Variants in HADHB observed in about 807,000 individuals in gnomAD.
The protein encoded by HADHB is hydroxyacyl-CoA dehydrogenase trifunctional multienzyme complex subunit beta.
Under a neutral mutation model 61.9 loss-of-function variants are expected in HADHB, and 50 were observed. That is an observed-to-expected ratio of 0.81 (90% confidence interval 0.64 to 1.02). The LOEUF (loss-of-function observed/expected upper bound fraction) is 1.02. HADHB is among the 50% of genes least tolerant of loss of function. The probability of loss-of-function intolerance (pLI) is 0.00; values close to 1 mark genes in which losing one functional copy is unlikely to be tolerated. For synonymous variants in HADHB, 191 were observed against 201.6 expected, an observed-to-expected ratio of 0.95 and a Z score of 0.45; for missense variants, 504 against 586.5, an observed-to-expected ratio of 0.86 and a Z score of 1.45.
intron 3 of HADHB, among the ~76,000 whole-genome samples, chr2:26,256,699 G>A (rs1189533165): frequency 1.3e-5 from 2 of 152,134 alleles, no homozygotes; most frequent in Non-Finnish European, 2.9e-5. Flanking sequence ...ATCTAGTTCA[G>A]CTCTAATATT....
Position 26,278,629 on chromosome 2 carries a change from C to T in HADHB, c.458C>T (p.Ala153Val). ...TGCCCTGTAGGTGTTGGCTTGATTG[C>T]TTCTGGCCAGTGTGATGTGATCGTG... ...QAMTTGVGLI[A>V]SGQCDVIVAG... is the part of the protein sequence containing the mutation. The change falls in exon 8 of 16, where the codon GCT becomes GTT. Residue 153 changes from alanine (A) to valine (V), a missense_variant. Physicochemically the swap from Ala to Val is moderately conservative, Grantham distance 64 (BLOSUM62 0). Coordinates refer to ENST00000317799, the MANE Select transcript of HADHB (RefSeq NM_000183.3). 6.2e-7 allele frequency: 1 copy of T among 1,613,962 alleles called. No homozygotes were observed. Among genetic ancestry groups the T allele is most frequent in the Non-Finnish European group, 8.5e-7 (1 of 1,179,850 alleles).
chr2:26,271,781 C>CA (rs930849587), intron 5 of HADHB, among the ~76,000 whole-genome samples: 9 of 151,082 alleles, frequency 6.0e-5, no homozygotes, highest in African/African-American at 1.9e-4. Context: ...TCCATCTCTA[C>CA]AAAAAAAAAT....
At chr2:26,259,463 A>G (rs1349123565) in intron 3 of HADHB, among the ~76,000 whole-genome samples, 1 of 152,118 alleles carries the variant, frequency 6.6e-6, no homozygotes, top group Non-Finnish European at 1.5e-5. Context: ...CTCCTGGTCA[A>G]CATAAATAAG....
chr2:26,273,252 CT>C lies in HADHB; in HGVS notation c.255-390del, dbSNP rs905933991. ...CTAAAATTTAACATACCCAGGACTT[CT>C]TTTTTTTTAATTTTTTTTAATAGTC... is the stretch of plus-strand genomic sequence containing the variant. On this transcript the variant is annotated intron_variant, in intron 5 of 15. Coordinates refer to ENST00000317799, the MANE Select transcript of HADHB (RefSeq NM_000183.3). Among the ~76,000 whole-genome samples the C allele has an allele frequency of 4.6e-5, 7 of 150,684 alleles. 1 individual carries two copies. The highest frequency in any genetic ancestry group is 1.7e-4 in the African/African-American group (7 of 40,450).
Position 26,271,023 on chromosome 2 carries a change from C to T in HADHB, c.254+1026C>T, listed in dbSNP as rs561728891. 4.2e-4 allele frequency among the ~76,000 whole-genome samples: 64 copies of T among 151,002 alleles called. 1 individual carries two copies. Among genetic ancestry groups the T allele is most frequent in the African/African-American group, 1.5e-3 (61 of 41,312 alleles). ...CCTCCCGAGTACCTGGGACTACAGGCGCCTGCCACCATGCCCGGCTAATTT... is the reference window on the plus strand; with the variant it reads ...CCTCCCGAGTACCTGGGACTACAGGTGCCTGCCACCATGCCCGGCTAATTT... On this transcript the variant is annotated intron_variant, in intron 5 of 15. Transcript: ENST00000317799.
At chr2:26,255,428 G>A (rs1290451757) in intron 3 of HADHB, among the ~76,000 whole-genome samples, 3 of 151,754 alleles carry the variant, frequency 2.0e-5, no homozygotes, top group Non-Finnish European at 4.4e-5. Context: ...GAACCCAGGA[G>A]GCGGAGCTTG....
chr2:26,263,420 T>C lies in HADHB; in HGVS notation c.150T>C (p.Asn50=), dbSNP rs1398500041. 4 of 1,613,302 alleles carry C rather than the reference T, an allele frequency of 2.5e-6. No individual in the cohort carries two copies. The African/African-American group carries it at 5.3e-5, about 22-fold the overall frequency. Reference sequence around the variant, plus strand: ...CGAAGAAGACGTTAGCCAAACCCAATATAAGGAATGTTGTGGTGGTGGATG... The same window carrying C: ...CGAAGAAGACGTTAGCCAAACCCAACATAAGGAATGTTGTGGTGGTGGATG... The part of the protein sequence containing the change: ...TKTKKTLAKP[N]IRNVVVVDGV... Residue 50 remains asparagine (N), a synonymous_variant, in exon 4 of 16, where the codon AAT becomes AAC. Coordinates refer to ENST00000317799, the MANE Select transcript of HADHB (RefSeq NM_000183.3).
chr2:26,270,065 A>G lies in HADHB; in HGVS notation c.254+68A>G, dbSNP rs1457716058. 4.0e-6 allele frequency: 4 copies of G among 1,006,198 alleles called. No individual in the cohort carries two copies. The Admixed American group carries it at 6.8e-5, about 17-fold the overall frequency. 62.3% of individuals were successfully genotyped at this position (1,006,198 alleles called of 1,614,324 possible). A position where few individuals can be genotyped will look rare whatever the true frequency, so the allele number is the denominator to read the frequency against. On this transcript the variant is annotated intron_variant, in intron 5 of 15. Coordinates refer to ENST00000317799, the MANE Select transcript of HADHB (RefSeq NM_000183.3). ...GCACTTTCTCCAGTTTTTACACATA[A>G]AATAGCAATTTGTTCTTATTTTAGC...
chr2:26,286,571 C>T (rs564160725), intron 15 of HADHB, among the ~76,000 whole-genome samples: 29 of 152,146 alleles, frequency 1.9e-4, no homozygotes, highest in African/African-American at 6.0e-4. Flanking sequence ...GGTGCCACCT[C>T]GGCTCACTGC....
rs1391625663 is a variant in HADHB, at chr2:26,245,067, C to T, written c.-9+77C>T. ...TCCACTTCCTTCCCCGCAACTGTCG[C>T]CGGTGCCCCCGGCCCCCTCCCCTCC... On this transcript the variant is annotated intron_variant, in intron 1 of 15. Coordinates refer to ENST00000317799, the MANE Select transcript of HADHB (RefSeq NM_000183.3). 2.4e-5 allele frequency: 5 copies of T among 211,184 alleles called. No homozygotes were observed. In the East Asian group the frequency reaches 5.6e-4, roughly 24 times the overall value. The allele number at this position is 211,184 out of a possible 1,614,324, so 13.1% of individuals were successfully genotyped here. A position where few individuals can be genotyped will look rare whatever the true frequency, so the allele number is the denominator to read the frequency against.
intron 6 of HADHB, 85 bp downstream of exon 6, chr2:26,273,835 C>A: frequency 1.3e-6 from 1 of 768,484 alleles, no homozygotes; most frequent in East Asian, 2.6e-5. Flanking sequence ...TTTACAAAAG[C>A]CTTTAAAATC....
chr2:26,248,206 C>CATGTCAG (rs915842794), intron 1 of HADHB, among the ~76,000 whole-genome samples: 1 of 152,058 alleles, frequency 6.6e-6, no homozygotes, highest in Admixed American at 6.6e-5. Flanking sequence ...GACATTTTTC[C>CATGTCAG]ATGTCAGTAT....
rs1475116669 is a variant in HADHB at position 26,285,491 on chromosome 2, T to C, written c.1309T>C (p.Leu437=). The change falls in exon 15 of 16, where the codon TTG becomes CTG. Residue 437 remains leucine (L), a synonymous_variant. Transcript: ENST00000317799. ...GHPFGATGCR[L]VMAAANRLRK... is the part of the protein sequence containing the mutation. ...CCCATTTGGAGCCACTGGCTGCAGG[T>C]TGGTCATGGCTGCTGCCAACAGATT... 1.2e-6 allele frequency: 2 copies of C among 1,613,654 alleles called. No homozygotes were observed. Among genetic ancestry groups the C allele is most frequent in the Non-Finnish European group, 8.5e-7 (1 of 1,179,612 alleles).
intron 4 of HADHB, among the ~76,000 whole-genome samples, chr2:26,264,326 A>T (rs1166622724): frequency 6.6e-6 from 1 of 152,112 alleles, no homozygotes; most frequent in Non-Finnish European, 1.5e-5. Context: ...AGGCAAGAGG[A>T]TTACTTGAGC....
At chr2:26,252,295 G>T (rs893142523) in intron 1 of HADHB, among the ~76,000 whole-genome samples, 1 of 152,240 alleles carries the variant, frequency 6.6e-6, no homozygotes, top group African/African-American at 2.4e-5. Context: ...ATACCAAGAG[G>T]TAGAGATTAT....
rs749277340 is a variant in HADHB at position 26,282,908 on chromosome 2, C to G, written c.997C>G (p.Pro333Ala). The change falls in exon 11 of 16, where the codon CCG becomes GCG. Residue 333 changes from proline to alanine, a missense_variant. By Grantham distance (27) the Pro-to-Ala change is conservative. Coordinates refer to ENST00000317799, the MANE Select transcript of HADHB (RefSeq NM_000183.3). Reference sequence around the variant, plus strand: ...AAAGGCTCTGGCCATGGGTTATAAGCCGAAGGCATATTTGAGGTAAAGTAA... The same window carrying G: ...AAAGGCTCTGGCCATGGGTTATAAGGCGAAGGCATATTTGAGGTAAAGTAA... ...EEKALAMGYK[P>A]KAYLRDFMYV... is the part of the protein sequence containing the mutation. The G allele has an allele frequency of 3.7e-6, 6 of 1,611,550 alleles. No homozygotes were observed. The highest frequency in any genetic ancestry group is 5.1e-6 in the Non-Finnish European group (6 of 1,177,832).
chr2:26,271,744 A>G (rs1262202780), intron 5 of HADHB, among the ~76,000 whole-genome samples: 2 of 152,076 alleles, frequency 1.3e-5, no homozygotes, highest in Non-Finnish European at 2.9e-5. Context: ...CAGGAGTTTG[A>G]GACCAGCCTA....
intron 10 of HADHB, among the ~76,000 whole-genome samples, chr2:26,281,257 A>G (rs1479436541): frequency 6.6e-6 from 1 of 152,108 alleles, no homozygotes; most frequent in Non-Finnish European, 1.5e-5. Context: ...CACCTTGGGT[A>G]TAGTCTTCTG....
chr2:26,268,377 C>T (rs1672188422), intron 4 of HADHB, among the ~76,000 whole-genome samples: 1 of 152,138 alleles, frequency 6.6e-6, no homozygotes, highest in Non-Finnish European at 1.5e-5. Context: ...TAATTCTCCC[C>T]TCAGAATGTG....
Sources: allele counts gnomAD v4.1 joint callset (sites outside exome capture counted in the v4.1 genomes callset), GRCh38; gene constraint gnomAD v4.1.1; transcripts MANE v1.5; gene names NCBI Gene and HGNC (gene_info 2026-07-23, HGNC 2026-07-21).